KLHL12: variants seen among roughly 807,000 people sequenced by gnomAD.
KLHL12 encodes the protein kelch like family member 12.
KLHL12 carries 17 observed loss-of-function variants against 60.8 expected under a neutral mutation model. That is an observed-to-expected ratio of 0.28 (90% CI 0.19 to 0.42). The LOEUF is 0.42. Among genes scored for constraint, KLHL12 ranks in the 10% least tolerant of loss-of-function variants. The pLI is 1.00. For missense variants in KLHL12, 468 were observed against 722.3 expected, an observed-to-expected ratio of 0.65 and a Z score of 4.04; for synonymous variants, 220 against 250.9, an observed-to-expected ratio of 0.88 and a Z score of 1.16.
chr1:202,899,996 CT>C lies in KLHL12; in HGVS notation c.833-3037del, dbSNP rs576755214. On this transcript the variant is annotated intron_variant, in intron 6 of 11. Coordinates refer to ENST00000367261, the MANE Select transcript of KLHL12 (RefSeq NM_021633.4). ...GGGAACACTATTTCCCTACCTATTC[CT>C]TTTTCTTACTCCACCTCTTTTCTTC... Among the ~76,000 whole-genome samples, 212 of 152,064 alleles carry C rather than the reference CT, an allele frequency of 1.4e-3. 1 individual carries two copies. The highest frequency in any genetic ancestry group is 4.7e-3 in the African/African-American group (195 of 41,456).
chr1:202,902,613 A>G (rs893600603), intron 6 of KLHL12, among the ~76,000 whole-genome samples: 1 of 152,176 alleles, frequency 6.6e-6, no homozygotes, highest in South Asian at 2.1e-4. Flanking sequence ...TAACCCTGTG[A>G]TAAATATCCT....
intron 6 of KLHL12, among the ~76,000 whole-genome samples, chr1:202,907,042 T>C (rs1228581977): frequency 6.6e-6 from 1 of 152,198 alleles, no homozygotes; most frequent in Non-Finnish European, 1.5e-5. Flanking sequence ...TTTCTTCTAA[T>C]ATTCTCATAG....
chr1:202,924,862 A>T (rs1653447942), intron 2 of KLHL12, 106 bp downstream of exon 2: 1 of 1,266,586 alleles, frequency 7.9e-7, no homozygotes, highest in Non-Finnish European at 1.1e-6. Flanking sequence ...AAAACATCAC[A>T]CTGTAAAAAT....
chr1:202,894,340 G>T, intron 9 of KLHL12, 58 bp from the exon 10 acceptor site: 1 of 1,225,994 alleles, frequency 8.2e-7, no homozygotes, highest in Non-Finnish European at 1.2e-6. Flanking sequence ...ATTCCTGGTC[G>T]GTTTTTTTCT....
chr1:202,897,205 A>C (rs1379109025), intron 6 of KLHL12, among the ~76,000 whole-genome samples: 1 of 148,894 alleles, frequency 6.7e-6, no homozygotes, highest in African/African-American at 2.5e-5. Flanking sequence ...AAACTTCAAC[A>C]TGACACTGCA....
rs1192183695 is a variant in KLHL12 at position 202,909,565 on chromosome 1, T to A, written c.718-441A>T. ...GAAATATCTCCCCCAAGGTTCACAG[T>A]CCTGTTGTAATTACCATTGTCTATT... On this transcript the variant is annotated intron_variant, in intron 5 of 11. Transcript: ENST00000367261. The surrounding 1 kb of genome is among the most constrained non-coding windows in gnomAD (Gnocchi z 4.1). 6.6e-6 allele frequency among the ~76,000 whole-genome samples: 1 copy of A among 152,136 alleles called. No individual in the cohort carries two copies. Among genetic ancestry groups the A allele is most frequent in the East Asian group, 1.9e-4 (1 of 5,188 alleles).
intron 11 of KLHL12, among the ~76,000 whole-genome samples, chr1:202,892,887 C>T (rs1293167450): frequency 6.6e-6 from 1 of 151,998 alleles, no homozygotes; most frequent in African/African-American, 2.4e-5. Context: ...ATTAAGGCTG[C>T]CACTGGAGGC....
At chr1:202,897,579 T>C (rs1659880127) in intron 6 of KLHL12, among the ~76,000 whole-genome samples, 1 of 151,906 alleles carries the variant, frequency 6.6e-6, no homozygotes, top group Non-Finnish European at 1.5e-5. Flanking sequence ...CTTGAGGTCT[T>C]AAGTGCAGGT....
upstream of KLHL12, among the ~76,000 whole-genome samples, chr1:202,927,953 C>A (rs1174693633): frequency 1.5e-5 from 2 of 130,460 alleles, no homozygotes; most frequent in East Asian, 2.3e-4. Context: ...GCACTCCGGG[C>A]TGGGCGACCG....
chr1:202,912,216 G>C (rs1183794011), intron 4 of KLHL12: 3 of 1,088,554 alleles, frequency 2.8e-6, no homozygotes, highest in Non-Finnish European at 4.2e-6. Context: ...GGAAGTGATT[G>C]AAATCATGAC....
chr1:202,902,863 C>T (rs1230986465), intron 6 of KLHL12, among the ~76,000 whole-genome samples: 1 of 151,950 alleles, frequency 6.6e-6, no homozygotes, highest in Non-Finnish European at 1.5e-5. Context: ...TGGTGGTGCA[C>T]ACCTGTAGTC....
chr1:202,905,113 C>T (rs1482859627), intron 6 of KLHL12, among the ~76,000 whole-genome samples: 1 of 152,214 alleles, frequency 6.6e-6, no homozygotes, highest in African/African-American at 2.4e-5. Context: ...ACTGCTTCAG[C>T]ATTTCCCTTC....
In KLHL12 at chr1:202,892,768, G is replaced by C. The variant is rs146510757; in HGVS notation, c.1581-109C>G. On this transcript the variant is annotated intron_variant, in intron 11 of 11. Transcript: ENST00000367261. ...GAGGTAAGAGGATTGCTTAAGCCCA[G>C]GAGGGAATTTGAGACCAGCCTGGGC... The C allele has an allele frequency of 5.1e-4, 620 of 1,215,768 alleles. 3 individuals carry two copies. The African/African-American group carries it at 8.5e-3, about 17-fold the overall frequency. 75.3% of individuals were successfully genotyped at this position (1,215,768 alleles called of 1,614,324 possible). A position where few individuals can be genotyped will look rare whatever the true frequency, so the allele number is the denominator to read the frequency against.
intron 6 of KLHL12, among the ~76,000 whole-genome samples, chr1:202,905,768 G>A (rs542617244): frequency 1.3e-5 from 2 of 152,078 alleles, no homozygotes; most frequent in Admixed American, 6.6e-5. Flanking sequence ...TTAGATCTTG[G>A]AGCATTTTGA....
chr1:202,917,546 C>T (rs1660560030), intron 4 of KLHL12, among the ~76,000 whole-genome samples: 1 of 152,210 alleles, frequency 6.6e-6, no homozygotes, highest in South Asian at 2.1e-4. Context: ...GTGTCCCTCC[C>T]TTCCAACCGC....
intron 6 of KLHL12, among the ~76,000 whole-genome samples, chr1:202,899,943 A>G (rs1368258140): frequency 2.6e-5 from 4 of 152,146 alleles, no homozygotes; most frequent in Non-Finnish European, 4.4e-5. Flanking sequence ...GGGAGAAGCT[A>G]GGACCACAAG....
rs749228480 is a variant in KLHL12, at chr1:202,895,537, C to A, written c.1120G>T (p.Ala374Ser). Residue 374 changes from alanine to serine, a missense_variant, in exon 8 of 12, where the codon GCC becomes TCC. By Grantham distance (99) the Ala-to-Ser change is moderately conservative. Around this residue, in one of 4 missense-constraint regions of KLHL12, gnomAD observed 339 missense variants for 525.0 expected, o/e 0.65. Transcript: ENST00000367261. The surrounding 1 kb of genome is among the most constrained non-coding windows in gnomAD (Gnocchi z 4.2). ...PMNVRRGLAGATTLGDMIYVS... is the reference protein window; with the variant it reads ...PMNVRRGLAGSTTLGDMIYVS... ...TCCAGCCTACCTCCCAGGGTGGTGGCTCCAGCAAGACCTCGTCGGACATTC... is the reference window on the plus strand; with the variant it reads ...TCCAGCCTACCTCCCAGGGTGGTGGATCCAGCAAGACCTCGTCGGACATTC... 1 of 1,613,536 alleles carries A rather than the reference C, an allele frequency of 6.2e-7. No homozygotes were observed. Among genetic ancestry groups the A allele is most frequent in the Non-Finnish European group, 8.5e-7 (1 of 1,179,674 alleles).
intron 2 of KLHL12, among the ~76,000 whole-genome samples, chr1:202,922,986 AC>A (rs1660744526): frequency 6.6e-6 from 1 of 152,224 alleles, no homozygotes; most frequent in African/African-American, 2.4e-5. Flanking sequence ...TAGTTCAACT[AC>A]TTTATTTTAC....
intron 6 of KLHL12, among the ~76,000 whole-genome samples, chr1:202,907,278 T>G (rs1660223279): frequency 6.6e-6 from 1 of 152,164 alleles, no homozygotes; most frequent in Non-Finnish European, 1.5e-5. Flanking sequence ...AGTTCTACAT[T>G]GAACATGCAG....
Sources: allele counts gnomAD v4.1 joint callset (sites outside exome capture counted in the v4.1 genomes callset), GRCh38; gene constraint gnomAD v4.1.1; regional missense constraint gnomAD v4.1.1; non-coding constraint Gnocchi (gnomAD v3.1); transcripts MANE v1.5; gene names NCBI Gene and HGNC (gene_info 2026-07-23, HGNC 2026-07-21).